The following KRT78 variants were observed in gnomAD, a reference collection of about 807,000 sequenced individuals.
KRT78 encodes keratin 78.
KRT78 carries 55 observed loss-of-function variants against 51.4 expected under a neutral mutation model. That is an observed-to-expected ratio of 1.07 (90% CI 0.86 to 1.34). The LOEUF is 1.34. Among genes scored for constraint, KRT78 ranks in the 40% most tolerant of loss-of-function variants. The pLI, the probability that KRT78 is intolerant of heterozygous loss-of-function variation, is 0.00. For synonymous variants in KRT78, 291 were observed against 264.3 expected, an observed-to-expected ratio of 1.10 and a Z score of -0.98; for missense variants, 652 against 649.4, an observed-to-expected ratio of 1.00 and a Z score of -0.04.
intron 4 of KRT78, chr12:52,845,963 A>ATG: frequency 1.9e-6 from 1 of 522,492 alleles, no homozygotes; most frequent in Non-Finnish European, 3.4e-6. Flanking sequence ...AAAAAAAAAA[A>ATG]AAAGCAATTT....
At position 52,848,862 on chromosome 12, in the gene KRT78, C is replaced by T. The variant is rs1469734830; in HGVS notation, c.69G>A (p.Arg23=). The change falls in exon 1 of 9, where the codon AGG becomes AGA. Residue 23 remains arginine, a synonymous_variant. Transcript: ENST00000304620. Reference sequence around the variant, plus strand: ...TGCTGAAGCCTCCCCTGCTGCGGCCCCTTGAGCGAGCAGAACAGGCTGAGC... The same window carrying T: ...TGCTGAAGCCTCCCCTGCTGCGGCCTCTTGAGCGAGCAGAACAGGCTGAGC... ...SARSACSARS[R]GRSRGGFSSR... 1 of 1,612,024 alleles carries T rather than the reference C, an allele frequency of 6.2e-7. No homozygotes were observed. The highest frequency in any genetic ancestry group is 2.2e-5 in the East Asian group (1 of 44,876).
chr12:52,843,743 A>T (rs1220886885), intron 6 of KRT78, among the ~76,000 whole-genome samples: 3 of 152,044 alleles, frequency 2.0e-5, no homozygotes, highest in Admixed American at 2.0e-4. Context: ...AGATAAGAAA[A>T]GAGAAAACAG....
Position 52,848,855 on chromosome 12 carries a change from T to C in KRT78, c.76A>G (p.Ser26Gly), listed in dbSNP as rs563484094. Reference protein sequence around the residue: ...SACSARSRGRSRGGFSSRGGF... With the variant: ...SACSARSRGRGRGGFSSRGGF... ...CCCCTGCTGCTGAAGCCTCCCCTGC[T>C]GCGGCCCCTTGAGCGAGCAGAACAG... The change falls in exon 1 of 9, where the codon AGC (serine) becomes GGC (glycine). Residue 26 changes from serine (S) to glycine (G), a missense_variant. Physicochemically the swap from Ser to Gly is moderately conservative, Grantham distance 56. Coordinates refer to ENST00000304620, the MANE Select transcript of KRT78 (RefSeq NM_173352.4). 1 of 1,612,630 alleles carries C rather than the reference T, an allele frequency of 6.2e-7. No homozygotes were observed. The highest frequency in any genetic ancestry group is 1.1e-5 in the South Asian group (1 of 90,882).
chr12:52,839,036 C>T lies in KRT78; in HGVS notation c.*77G>A, dbSNP rs927949703. 1.9e-5 allele frequency: 29 copies of T among 1,525,710 alleles called. No homozygotes were observed. The highest frequency in any genetic ancestry group is 4.2e-4 in the Middle Eastern group (2 of 4,812). 94.5% of individuals were successfully genotyped at this position (1,525,710 alleles called of 1,614,324 possible). Reference sequence around the variant, plus strand: ...TGGCTTGGGCTGTGGGCAGCGGACACGGAGTTGGCCTTGCAGAGCCGGCTG... The same window carrying T: ...TGGCTTGGGCTGTGGGCAGCGGACATGGAGTTGGCCTTGCAGAGCCGGCTG... On this transcript the variant is annotated 3_prime_UTR_variant, in exon 9 of 9. Transcript: ENST00000304620.
Position 52,844,150 on chromosome 12 carries a change from A to C in KRT78, c.990T>G (p.Ser330=). The C allele has an allele frequency of 6.2e-7, 1 of 1,611,986 alleles. No homozygotes were observed. Among genetic ancestry groups the C allele is most frequent in the Non-Finnish European group, 8.5e-7 (1 of 1,179,424 alleles). The change falls in exon 6 of 9, where the codon TCT becomes TCG. Residue 330 remains serine, a synonymous_variant. Coordinates refer to ENST00000304620, the MANE Select transcript of KRT78 (RefSeq NM_173352.4). ...GCCTCTGAATCTCTTGGTGTAGCTG[A>C]GAGATCTGGACTTTCGTTTCCTGCA... is the stretch of plus-strand genomic sequence containing the variant. ...DRMQETKVQI[S]QLHQEIQRLQ... is the part of the protein sequence containing the mutation.
At chr12:52,847,790 G>C (rs1340615472) in intron 2 of KRT78, 117 bp downstream of exon 2, 2 of 824,342 alleles carry the variant, frequency 2.4e-6, no homozygotes, top group Non-Finnish European at 3.9e-6. Flanking sequence ...GGGTAGAGGG[G>C]AGGCCAGTCA....
At chr12:52,842,217 C>A (rs1940515501) in intron 6 of KRT78, among the ~76,000 whole-genome samples, 1 of 152,100 alleles carries the variant, frequency 6.6e-6, no homozygotes, top group Admixed American at 6.6e-5. Context: ...GTCAAGGGAC[C>A]ACATGTGACT....
chr12:52,845,895 G>T (rs1366516486), intron 4 of KRT78: 1 of 301,404 alleles, frequency 3.3e-6, no homozygotes, highest in African/African-American at 2.2e-5. Flanking sequence ...AGAGGTTGCA[G>T]TGAGCTGAGA....
chr12:52,841,688 A>G (rs1940504387), intron 6 of KRT78, among the ~76,000 whole-genome samples: 1 of 152,170 alleles, frequency 6.6e-6, no homozygotes, highest in South Asian at 2.1e-4. Context: ...GAAGAAACTG[A>G]GGCTCAGAAA....
At position 52,839,172 on chromosome 12, in the gene KRT78, A is replaced by AGCTGGAGCCAGC. The variant is rs770635335; in HGVS notation, c.1492_1503dup (p.Ala498_Ser501dup). ...ACTGTCTTCTTCAGGATGGTGTGGC[A>AGCTGGAGCCAGC]GCTGGAGCCAGCGCTGGAGCCAGAC... On this transcript the variant is annotated inframe_insertion, in exon 9 of 9. Transcript: ENST00000304620. 2.5e-6 allele frequency: 4 copies of AGCTGGAGCCAGC among 1,613,162 alleles called. No homozygotes were observed. The highest frequency in any genetic ancestry group is 4.5e-5 in the East Asian group (2 of 44,892).
intron 6 of KRT78, among the ~76,000 whole-genome samples, chr12:52,843,010 G>T (rs1592144792): frequency 1.1e-5 from 1 of 89,440 alleles, no homozygotes; most frequent in African/African-American, 5.5e-5. Flanking sequence ...AGGAAGGAAG[G>T]AGGGAGGGAG....
In KRT78 at chr12:52,848,632, A is replaced by T; in HGVS notation, c.299T>A (p.Ile100Asn). The T allele has an allele frequency of 6.2e-7, 1 of 1,613,952 alleles. No homozygotes were observed. The highest frequency in any genetic ancestry group is 8.5e-7 in the Non-Finnish European group (1 of 1,179,946). Reference protein sequence around the residue: ...QNLLTPLKIEIDPQFQVVRTQ... With the variant: ...QNLLTPLKIENDPQFQVVRTQ... ...CCGCACCACCTGGAACTGGGGATCG[A>T]TCTCAATCTTCAGTGGGGTCAGCAG... The change falls in exon 1 of 9, where the codon ATC (isoleucine) becomes AAC (asparagine). Residue 100 changes from isoleucine to asparagine, a missense_variant. By Grantham distance (149) the Ile-to-Asn change is moderately radical. Coordinates refer to ENST00000304620, the MANE Select transcript of KRT78 (RefSeq NM_173352.4).
At chr12:52,844,302 A>G (rs1328905991) in intron 5 of KRT78, 84 bp from the exon 6 acceptor site, 2 of 1,469,426 alleles carry the variant, frequency 1.4e-6, no homozygotes, top group Non-Finnish European at 1.8e-6. Flanking sequence ...GCCACCTCTC[A>G]CTCCTTATTT....
intron 2 of KRT78, among the ~76,000 whole-genome samples, chr12:52,847,340 G>T (rs572379163): frequency 8.5e-5 from 13 of 152,290 alleles, no homozygotes; most frequent in Non-Finnish European, 1.6e-4. Flanking sequence ...GAGATGCCTT[G>T]CCCAGGATGC....
chr12:52,847,562 C>T (rs1012978971), intron 2 of KRT78, among the ~76,000 whole-genome samples: 1 of 152,208 alleles, frequency 6.6e-6, no homozygotes, highest in African/African-American at 2.4e-5. Context: ...GCCCGCTGAA[C>T]AGGAATTTCT....
chr12:52,844,816 A>G, intron 4 of KRT78, 93 bp from the exon 5 acceptor site: 1 of 1,225,610 alleles, frequency 8.2e-7, no homozygotes, highest in Middle Eastern at 2.8e-4. Context: ...ATTTCTGCTT[A>G]CATGCCATGA....
intron 4 of KRT78, among the ~76,000 whole-genome samples, chr12:52,845,412 C>A (rs779147776): frequency 6.6e-6 from 1 of 152,164 alleles, no homozygotes; most frequent in African/African-American, 2.4e-5. Context: ...TGGGCTGCAG[C>A]CACTGCCTGG....
In KRT78 at chr12:52,844,671, A is replaced by G; in HGVS notation, c.809T>C (p.Met270Thr). 3 of 1,614,114 alleles carry G rather than the reference A, an allele frequency of 1.9e-6. No homozygotes were observed. Among genetic ancestry groups the G allele is most frequent in the Non-Finnish European group, 2.5e-6 (3 of 1,179,994 alleles). ...GAAGTCCAGGTAGCGGTTGTTGTCC[A>G]TGGACAGCACCACAGACGTGTCGCT... ...QASDTSVVLSMDNNRYLDFSS... is the reference protein window; with the variant it reads ...QASDTSVVLSTDNNRYLDFSS... The change falls in exon 5 of 9, where the codon ATG becomes ACG. Residue 270 changes from methionine (M) to threonine (T), a missense_variant. Met to Thr is a moderately conservative substitution (Grantham distance 81). Transcript: ENST00000304620.
intron 6 of KRT78, among the ~76,000 whole-genome samples, chr12:52,841,724 A>G (rs1252718680): frequency 6.6e-6 from 1 of 152,172 alleles, no homozygotes. Context: ...TGGGATCCTA[A>G]CCCACGTGGG....
Sources: allele counts gnomAD v4.1 joint callset (sites outside exome capture counted in the v4.1 genomes callset), GRCh38; gene constraint gnomAD v4.1.1; transcripts MANE v1.5; gene names NCBI Gene and HGNC (gene_info 2026-07-23, HGNC 2026-07-21).